The following COQ9 variants were observed in gnomAD, a reference collection of about 807,000 sequenced individuals.
The protein encoded by COQ9 is ubiquinone biosynthesis protein COQ9, mitochondrial.
Under a neutral mutation model 42.4 loss-of-function variants are expected in COQ9, and 35 were observed. The ratio of observed to expected loss-of-function variants is 0.83; its 90% CI spans 0.63 to 1.10. COQ9 has a LOEUF of 1.10. Ranked by LOEUF, COQ9 falls within the 50% of genes least tolerant of loss-of-function variation. COQ9 has a pLI of 0.00. For missense variants in COQ9, 406 were observed against 414.6 expected, an observed-to-expected ratio of 0.98 and a Z score of 0.18; for synonymous variants, 155 against 155.1, an observed-to-expected ratio of 1.00 and a Z score of 0.00.
At chr16:57,456,384 TG>T in intron 3 of COQ9, 119 bp from the exon 4 acceptor site, 1 of 1,184,748 alleles carries the variant, frequency 8.4e-7, no homozygotes. Flanking sequence ...CAAAATCACA[TG>T]GACCCAGAGT....
intron 8 of COQ9, among the ~76,000 whole-genome samples, 171 bp downstream of exon 8, chr16:57,460,275 T>C (rs1334588317): frequency 6.6e-6 from 1 of 152,202 alleles, no homozygotes; most frequent in Non-Finnish European, 1.5e-5. Context: ...CTCACTTCTT[T>C]ATTTTTTCCT....
intron 5 of COQ9, among the ~76,000 whole-genome samples, chr16:57,457,726 G>A (rs969232289): frequency 5.3e-5 from 8 of 152,190 alleles, no homozygotes; most frequent in East Asian, 1.9e-4. Context: ...GGAAGTGCAC[G>A]TATGAGGCCC....
rs1007377640 is a variant in COQ9 at position 57,461,059 on chromosome 16, T to C, written c.*435T>C. The C allele has an allele frequency of 1.4e-5, 6 of 428,514 alleles. No individual in the cohort carries two copies. The East Asian group carries it at 2.1e-4, about 15-fold the overall frequency. 26.5% of individuals were successfully genotyped at this position (428,514 alleles called of 1,614,324 possible). A position where few individuals can be genotyped will look rare whatever the true frequency, so the allele number is the denominator to read the frequency against. On this transcript the variant is annotated 3_prime_UTR_variant, in exon 9 of 9. Coordinates refer to ENST00000262507, the MANE Select transcript of COQ9 (RefSeq NM_020312.4). ...TCATCTCCAGCACAGCACAGGCGTG[T>C]GCACACAGAGGTGTTCCTTGCAGCC...
Position 57,460,036 on chromosome 16 carries a change from A to G in COQ9, c.868-15A>G. Reference sequence around the variant, plus strand: ...TGTTGGTGGCCTAAGGGAACCTGACACTGACTCCTTCTAGGTAAAGTCCAC... The same window carrying G: ...TGTTGGTGGCCTAAGGGAACCTGACGCTGACTCCTTCTAGGTAAAGTCCAC... On this transcript the variant is annotated splice_polypyrimidine_tract_variant and intron_variant, in intron 7 of 8. Coordinates refer to ENST00000262507, the MANE Select transcript of COQ9 (RefSeq NM_020312.4). 3.1e-6 allele frequency: 5 copies of G among 1,613,872 alleles called. No individual in the cohort carries two copies. The highest frequency in any genetic ancestry group is 4.2e-6 in the Non-Finnish European group (5 of 1,179,870).
In COQ9 at chr16:57,451,089, T is replaced by A; in HGVS notation, c.123T>A (p.Ala41=). 1 of 1,614,200 alleles carries A rather than the reference T, an allele frequency of 6.2e-7. No individual in the cohort carries two copies. Among genetic ancestry groups the A allele is most frequent in the Non-Finnish European group, 8.5e-7 (1 of 1,180,024 alleles). The change falls in exon 2 of 9, where the codon GCT becomes GCA. Residue 41 remains alanine, a synonymous_variant. Transcript: ENST00000262507. The part of the protein sequence containing the change: ...ALVPRAFHAS[A]VGLRSSDEQK... ...TGCCGCGTGCCTTCCATGCTTCAGC[T>A]GTGGGGCTAAGGTCTTCAGATGAGC... is the stretch of plus-strand genomic sequence containing the variant.
At chr16:57,456,324 C>T (rs1468405554) in intron 3 of COQ9, 180 bp from the exon 4 acceptor site, 7 of 668,146 alleles carry the variant, frequency 1.0e-5, no homozygotes, top group Non-Finnish European at 1.9e-5. Flanking sequence ...CTCTTGCACA[C>T]ACACCAAGGG....
intron 3 of COQ9, 106 bp from the exon 4 acceptor site, chr16:57,456,398 A>G: frequency 7.6e-7 from 1 of 1,313,698 alleles, no homozygotes; most frequent in Admixed American, 1.7e-5. Context: ...CCCAGAGTGA[A>G]GAAATCAAGC....
At chr16:57,454,237 A>G (rs1156724558) in intron 3 of COQ9, 2 of 152,250 alleles carry the variant, frequency 1.3e-5, no homozygotes, top group African/African-American at 2.4e-5. Context: ...CTGTGATCAA[A>G]ACTACCATAT....
intron 3 of COQ9, chr16:57,454,117 T>C (rs567669783): frequency 3.3e-5 from 5 of 152,352 alleles, no homozygotes; most frequent in African/African-American, 1.2e-4. Context: ...GACTGGTTTT[T>C]TTCCCTCAAT....
At chr16:57,457,478 G>C in intron 5 of COQ9, 1 of 310,610 alleles carries the variant, frequency 3.2e-6, no homozygotes, top group Non-Finnish European at 6.3e-6. Context: ...CTTTTCTGAA[G>C]CTTCCTTTTT....
At chr16:57,459,871 C>A in intron 7 of COQ9, 151 bp downstream of exon 7, 2 of 1,077,284 alleles carry the variant, frequency 1.9e-6, no homozygotes, top group Non-Finnish European at 2.8e-6. Context: ...CCAGCCCTTC[C>A]CTAAGAGCCA....
intron 1 of COQ9, 95 bp from the exon 2 acceptor site, chr16:57,450,945 T>C: frequency 7.3e-7 from 1 of 1,368,120 alleles, no homozygotes; most frequent in Non-Finnish European, 1.0e-6. Context: ...CAGGAGTCTC[T>C]GGCCTGCTTT....
chr16:57,460,189 G>A (rs1287956836), intron 8 of COQ9, 85 bp downstream of exon 8: 1 of 1,359,166 alleles, frequency 7.4e-7, no homozygotes, highest in African/African-American at 1.4e-5. Context: ...ACATCATTTT[G>A]TAGCCCTAAC....
chr16:57,452,006 C>G (rs1211590453), intron 2 of COQ9, among the ~76,000 whole-genome samples: 2 of 151,912 alleles, frequency 1.3e-5, no homozygotes, highest in Non-Finnish European at 1.5e-5. Context: ...TTTTCCTAAT[C>G]CTGCCATTGA....
chr16:57,460,475 T>C, intron 8 of COQ9, 114 bp from the exon 9 acceptor site: 1 of 1,047,616 alleles, frequency 9.5e-7, no homozygotes, highest in Non-Finnish European at 1.4e-6. Context: ...CAAAACCCTG[T>C]CTCTATGCAA....
In COQ9 at chr16:57,460,044, C is replaced by A. The variant is rs1274274735; in HGVS notation, c.868-7C>A. The A allele has an allele frequency of 6.2e-7, 1 of 1,614,038 alleles. No individual in the cohort carries two copies. On this transcript the variant is annotated splice_polypyrimidine_tract_variant and splice_region_variant and intron_variant, in intron 7 of 8. Transcript: ENST00000262507. ...GCCTAAGGGAACCTGACACTGACTCCTTCTAGGTAAAGTCCACAGGAGAGG... is the reference window on the plus strand; with the variant it reads ...GCCTAAGGGAACCTGACACTGACTCATTCTAGGTAAAGTCCACAGGAGAGG...
chr16:57,448,530 T>C (rs2030195746), intron 1 of COQ9, among the ~76,000 whole-genome samples: 1 of 151,936 alleles, frequency 6.6e-6, no homozygotes, highest in Non-Finnish European at 1.5e-5. Flanking sequence ...TTCAAGTGAT[T>C]CTCCTGCCTC....
At chr16:57,452,716 G>A in intron 2 of COQ9, 85 bp from the exon 3 acceptor site, 1 of 1,456,196 alleles carries the variant, frequency 6.9e-7, no homozygotes, top group African/African-American at 1.4e-5. Context: ...TGTGCTTAGA[G>A]GAGATCCAGA....
chr16:57,460,604 G>T lies in COQ9; in HGVS notation c.937G>T (p.Gly313Cys). ...GAAVTLKNLT[G>C]LNQRR ...CCCGTGTCAGCTCAAGAACTTGACA[G>T]GTCTAAACCAGCGTCGGTGAGAGGA... Residue 313 changes from glycine to cysteine, a missense_variant, in exon 9 of 9, where the codon GGT (glycine) becomes TGT (cysteine). Transcript: ENST00000262507. 1.2e-6 allele frequency: 2 copies of T among 1,614,068 alleles called. No homozygotes were observed. Among genetic ancestry groups the T allele is most frequent in the South Asian group, 1.1e-5 (1 of 91,074 alleles).
Sources: allele counts gnomAD v4.1 joint callset (sites outside exome capture counted in the v4.1 genomes callset), GRCh38; gene constraint gnomAD v4.1.1; transcripts MANE v1.5; gene names NCBI Gene and HGNC (gene_info 2026-07-23, HGNC 2026-07-21).